FAM3C: variants seen among roughly 807,000 people sequenced by gnomAD.
The protein encoded by FAM3C is FAM3 metabolism regulating signaling molecule C.
A neutral mutation model predicts 32.5 loss-of-function variants in FAM3C; 15 were observed. The observed-to-expected ratio is 0.46, with a 90% confidence interval of 0.31 to 0.71. The LOEUF (loss-of-function observed/expected upper bound fraction) is 0.71. Among genes scored for constraint, FAM3C ranks in the 30% least tolerant of loss-of-function variants. The pLI, the probability that FAM3C is intolerant of heterozygous loss-of-function variation, is 0.05. For missense variants in FAM3C, 175 were observed against 274.4 expected (o/e 0.64, Z 2.56); for synonymous variants, 75 against 86.1 (o/e 0.87, Z 0.72).
intron 2 of FAM3C, among the ~76,000 whole-genome samples, chr7:121,382,162 C>G (rs1309809869): frequency 1.3e-5 from 2 of 152,132 alleles, no homozygotes; most frequent in African/African-American, 4.8e-5. Flanking sequence ...GAAAAACAGA[C>G]TTATTTTTAC....
intron 8 of FAM3C, among the ~76,000 whole-genome samples, chr7:121,357,929 G>A (rs559399536): frequency 4.6e-5 from 7 of 152,052 alleles, no homozygotes; most frequent in African/African-American, 1.2e-4. Flanking sequence ...GGTGAAAAAC[G>A]GAGGTCATGT....
intron 9 of FAM3C, 23 bp from the exon 10 acceptor site, chr7:121,350,573 T>A: frequency 6.2e-7 from 1 of 1,609,974 alleles, no homozygotes; most frequent in South Asian, 1.1e-5. Context: ...AGTAATAATA[T>A]ACAGTTTAAA....
intron 8 of FAM3C, among the ~76,000 whole-genome samples, chr7:121,352,671 A>AT (rs1793727945): frequency 6.6e-6 from 1 of 152,214 alleles, no homozygotes; most frequent in Admixed American, 6.5e-5. Flanking sequence ...GTTCCTCTGC[A>AT]GCTTCGTTTC....
chr7:121,382,936 C>T, intron 2 of FAM3C, 21 bp downstream of exon 2: 6 of 1,574,746 alleles, frequency 3.8e-6, no homozygotes, highest in Non-Finnish European at 5.2e-6. Context: ...ACAATTACTT[C>T]TACTAAATTA....
At chr7:121,390,853 CGGGGGGGG>C (rs58750532) in intron 1 of FAM3C, among the ~76,000 whole-genome samples, 138 of 7,468 alleles carry the variant, frequency 0.018, 31 homozygotes, top group African/African-American at 0.032. Flanking sequence ...CTGTGTGGGG[CGGGGGGGG>C]GGGGGGGGGG....
intron 1 of FAM3C, among the ~76,000 whole-genome samples, chr7:121,389,115 T>A (rs1055358036): frequency 6.6e-6 from 1 of 152,120 alleles, no homozygotes; most frequent in African/African-American, 2.4e-5. Context: ...AAGTGCCCCA[T>A]CTAGGCCAAC....
At chr7:121,356,771 A>G (rs527469746) in intron 8 of FAM3C, among the ~76,000 whole-genome samples, 1 of 152,348 alleles carries the variant, frequency 6.6e-6, no homozygotes, top group South Asian at 2.1e-4. Flanking sequence ...AAGGAAGAAT[A>G]CAATTGGCAA....
intron 5 of FAM3C, among the ~76,000 whole-genome samples, chr7:121,366,061 G>C (rs557081529): frequency 6.6e-6 from 1 of 152,254 alleles, no homozygotes; most frequent in African/African-American, 2.4e-5. Context: ...TGTTGGCAAG[G>C]ATGTGGAGAA....
chr7:121,368,709 T>G (rs1794074240), intron 5 of FAM3C, among the ~76,000 whole-genome samples: 1 of 152,106 alleles, frequency 6.6e-6, no homozygotes, highest in African/African-American at 2.4e-5. Flanking sequence ...CTATGCAGCC[T>G]GGCCCTAATT....
chr7:121,383,897 C>T lies in FAM3C; in HGVS notation c.-41-887G>A, dbSNP rs1584706839. Among the ~76,000 whole-genome samples, 4 of 152,218 alleles carry T rather than the reference C, an allele frequency of 2.6e-5. No individual in the cohort carries two copies. The South Asian group carries it at 8.3e-4, about 32-fold the overall frequency. ...CAAAAGGAAATTTTGATGGATGAATCCCATTTGCCAGCAGTACATATCTAT... is the reference window on the plus strand; with the variant it reads ...CAAAAGGAAATTTTGATGGATGAATTCCATTTGCCAGCAGTACATATCTAT... On this transcript the variant is annotated intron_variant, in intron 1 of 9. Transcript: ENST00000359943.
chr7:121,366,436 G>C (rs768430653), intron 5 of FAM3C, among the ~76,000 whole-genome samples: 2 of 152,066 alleles, frequency 1.3e-5, no homozygotes, highest in Non-Finnish European at 2.9e-5. Context: ...AATCACAAAA[G>C]ACCAAATATT....
At chr7:121,372,654 C>A (rs1562888717) in intron 3 of FAM3C, among the ~76,000 whole-genome samples, 1 of 152,108 alleles carries the variant, frequency 6.6e-6, no homozygotes. Flanking sequence ...TTCAAGGAAT[C>A]CATGAGGTCA....
Position 121,362,933 on chromosome 7 carries a change from C to A in FAM3C, c.346G>T (p.Val116Leu), listed in dbSNP as rs755539350. ...ATGTCAAAATATTTAGTGTCTAATA[C>A]TTCTCCTGTTTTTCCTAAAAGAGAT... The part of the protein sequence containing the change: ...VALANGKTGE[V>L]LDTKYFDMWG... The change falls in exon 7 of 10, where the codon GTA becomes TTA. Residue 116 changes from valine to leucine, a missense_variant. Val to Leu is a conservative substitution (Grantham distance 32). Coordinates refer to ENST00000359943, the MANE Select transcript of FAM3C (RefSeq NM_014888.3). The A allele has an allele frequency of 5.3e-6, 8 of 1,518,642 alleles. No individual in the cohort carries two copies. In the South Asian group the frequency reaches 8.0e-5, roughly 15 times the overall value. The allele number at this position is 1,518,642 out of a possible 1,614,324, so 94.1% of individuals were successfully genotyped here. A position where few individuals can be genotyped will look rare whatever the true frequency, so the allele number is the denominator to read the frequency against.
At chr7:121,385,666 A>C (rs1794451217) in intron 1 of FAM3C, among the ~76,000 whole-genome samples, 1 of 152,192 alleles carries the variant, frequency 6.6e-6, no homozygotes, top group South Asian at 2.1e-4. Flanking sequence ...AGTAAAATCA[A>C]AGGTCAAGTG....
At chr7:121,387,739 G>A (rs1794491967) in intron 1 of FAM3C, among the ~76,000 whole-genome samples, 1 of 151,894 alleles carries the variant, frequency 6.6e-6, no homozygotes, top group Non-Finnish European at 1.5e-5. Context: ...ATGTTCTTGG[G>A]AAAAAACTTA....
chr7:121,387,416 G>A (rs1794487333), intron 1 of FAM3C, among the ~76,000 whole-genome samples: 1 of 152,100 alleles, frequency 6.6e-6, no homozygotes, highest in African/African-American at 2.4e-5. Flanking sequence ...GCTTTGACAG[G>A]TCCTCTTAGA....
chr7:121,380,149 C>G (rs1794320064), intron 2 of FAM3C: 1 of 152,162 alleles, frequency 6.6e-6, no homozygotes, highest in African/African-American at 2.4e-5. Flanking sequence ...CATAGTCCTT[C>G]TTGATCATTT....
intron 1 of FAM3C, 28 bp from the exon 2 acceptor site, chr7:121,383,038 TC>T: frequency 3.3e-6 from 4 of 1,229,136 alleles, no homozygotes; most frequent in Non-Finnish European, 4.8e-6. Context: ...AAAGCAAATA[TC>T]ATTAGCTCTA....
At chr7:121,358,296 AT>A (rs1435314737) in intron 8 of FAM3C, among the ~76,000 whole-genome samples, 1 of 152,098 alleles carries the variant, frequency 6.6e-6, no homozygotes, top group East Asian at 1.9e-4. Flanking sequence ...AAAAATACAA[AT>A]TTCTGTATAA....
Sources: gnomAD v4.1 joint callset for allele counts (sites outside exome capture counted in the v4.1 genomes callset) on GRCh38, gnomAD v4.1.1 for gene constraint, MANE v1.5 for transcripts, NCBI Gene and HGNC (gene_info 2026-07-23, HGNC 2026-07-21) for gene names.